USP32: variants seen among roughly 807,000 people sequenced by gnomAD.
USP32 encodes the protein ubiquitin specific peptidase 32, also known as ubiquitin carboxyl-terminal hydrolase 32.
USP32 carries 59 observed loss-of-function variants against 204.8 expected under a neutral mutation model. The ratio of observed to expected loss-of-function variants is 0.29; its 90% CI spans 0.23 to 0.36. USP32 has a LOEUF of 0.36. Ranked by LOEUF, USP32 falls within the 10% of genes least tolerant of loss-of-function variation. The pLI, the probability that USP32 is intolerant of heterozygous loss-of-function variation, is 1.00. For missense variants in USP32, 1,160 were observed against 1,946.4 expected (o/e 0.60, Z 7.60); for synonymous variants, 517 against 678.4 (o/e 0.76, Z 3.70).
At chr17:60,316,145 T>C (rs2087971432) in intron 2 of USP32, 1 of 271,048 alleles carries the variant, frequency 3.7e-6, no homozygotes, top group South Asian at 3.6e-5. Context: ...CACTCTGCTA[T>C]CCATGCCAAA....
intron 1 of USP32, among the ~76,000 whole-genome samples, chr17:60,380,669 AT>A (rs1256372797): frequency 2.0e-5 from 3 of 152,224 alleles, no homozygotes; most frequent in Non-Finnish European, 4.4e-5. Context: ...AGGAATACAC[AT>A]GTCAAATTAT....
chr17:60,192,707 G>A, intron 28 of USP32, 137 bp downstream of exon 28: 1 of 1,098,738 alleles, frequency 9.1e-7, no homozygotes, highest in South Asian at 1.5e-5. Context: ...ATACAGGCGT[G>A]AGCCACCGTG....
intron 1 of USP32, among the ~76,000 whole-genome samples, chr17:60,371,119 T>A (rs867987747): frequency 6.6e-6 from 1 of 151,126 alleles, no homozygotes; most frequent in Non-Finnish European, 1.5e-5. Context: ...CTGGGTATGG[T>A]GGTGTGAACT....
chr17:60,308,704 G>A (rs772388467), intron 2 of USP32, among the ~76,000 whole-genome samples: 1 of 152,180 alleles, frequency 6.6e-6, no homozygotes, highest in Non-Finnish European at 1.5e-5. Flanking sequence ...GAGGCAAGTG[G>A]ATCACTTGAG....
At chr17:60,214,498 T>C in intron 17 of USP32, 122 bp downstream of exon 17, 2 of 805,728 alleles carry the variant, frequency 2.5e-6, no homozygotes, top group South Asian at 3.8e-5. Flanking sequence ...AGCCTTGTGC[T>C]CTTTGGCAAC....
chr17:60,387,767 C>T (rs1161852886), intron 1 of USP32, among the ~76,000 whole-genome samples: 2 of 152,114 alleles, frequency 1.3e-5, no homozygotes, highest in African/African-American at 4.8e-5. Flanking sequence ...CATAACTTAG[C>T]CTACCTTAAA....
intron 12 of USP32, among the ~76,000 whole-genome samples, chr17:60,232,853 A>G (rs1455811142): frequency 2.6e-5 from 4 of 152,116 alleles, no homozygotes; most frequent in African/African-American, 9.7e-5. Flanking sequence ...GGCATGAAAG[A>G]AGAAATTTAA....
chr17:60,184,825 A>AC (rs1479027770), intron 30 of USP32, among the ~76,000 whole-genome samples: 49 of 151,994 alleles, frequency 3.2e-4, no homozygotes, highest in African/African-American at 1.1e-3. Context: ...AAAAAAAAAA[A>AC]AAAACATATA....
chr17:60,333,148 T>C (rs906652111), intron 2 of USP32, among the ~76,000 whole-genome samples: 1 of 152,268 alleles, frequency 6.6e-6, no homozygotes, highest in African/African-American at 2.4e-5. Context: ...CCCCGCAAGG[T>C]TGAAAATCTG....
chr17:60,377,093 C>T (rs1389055811), intron 1 of USP32, among the ~76,000 whole-genome samples: 1 of 152,104 alleles, frequency 6.6e-6, no homozygotes, highest in African/African-American at 2.4e-5. Context: ...CTTAAACTCA[C>T]CTACTACTCT....
intron 26 of USP32, among the ~76,000 whole-genome samples, chr17:60,202,178 C>T (rs926880610): frequency 5.3e-5 from 8 of 152,084 alleles, no homozygotes; most frequent in African/African-American, 1.9e-4. Context: ...TTTCTCTCAC[C>T]ACTCTGCAAT....
chr17:60,301,048 T>C (rs2087561054), intron 3 of USP32, among the ~76,000 whole-genome samples: 1 of 152,358 alleles, frequency 6.6e-6, no homozygotes, highest in Admixed American at 6.5e-5. Flanking sequence ...ACCAGAATAA[T>C]TTCCAGCATG....
chr17:60,349,209 T>C (rs2088861186), intron 1 of USP32, among the ~76,000 whole-genome samples: 1 of 151,008 alleles, frequency 6.6e-6, no homozygotes, highest in Non-Finnish European at 1.5e-5. Flanking sequence ...AGACTACCTG[T>C]ATAACAGTAT....
At chr17:60,341,746 C>T (rs1346176541) in intron 2 of USP32, among the ~76,000 whole-genome samples, 2 of 152,142 alleles carry the variant, frequency 1.3e-5, no homozygotes, top group Non-Finnish European at 2.9e-5. Context: ...TGGTTTTCAG[C>T]TCCATCAGGT....
chr17:60,298,376 A>T (rs1235233785), intron 3 of USP32, among the ~76,000 whole-genome samples: 1 of 152,182 alleles, frequency 6.6e-6, no homozygotes, highest in African/African-American at 2.4e-5. Context: ...CTTTATAAGA[A>T]ATAAAGTTTC....
In USP32 at chr17:60,219,598, C is replaced by T. The variant is rs561221992; in HGVS notation, c.1867+72G>A. 5.0e-5 allele frequency: 26 copies of T among 521,942 alleles called. 1 individual carries two copies. In the South Asian group the frequency reaches 5.7e-4, roughly 12 times the overall value. The allele number at this position is 521,942 out of a possible 1,614,324, so 32.3% of individuals were successfully genotyped here. A position where few individuals can be genotyped will look rare whatever the true frequency, so the allele number is the denominator to read the frequency against. ...TTTTTTTTTTTTTTTTAAGGAAATG[C>T]ATGGTATTCTTGCTGCATTCTTAAG... On this transcript the variant is annotated intron_variant, in intron 16 of 33. Coordinates refer to ENST00000300896, the MANE Select transcript of USP32 (RefSeq NM_032582.4).
chr17:60,231,595 C>T (rs763763930), intron 12 of USP32: 4 of 518,300 alleles, frequency 7.7e-6, no homozygotes, highest in Middle Eastern at 6.4e-4. Context: ...TCTTGGCCTC[C>T]AGCCTTGGCT....
chr17:60,246,307 C>T (rs771020614), intron 11 of USP32, among the ~76,000 whole-genome samples: 6 of 152,086 alleles, frequency 3.9e-5, no homozygotes, highest in South Asian at 2.1e-4. Context: ...TCTCACTTAA[C>T]GTAATGACCT....
Position 60,229,115 on chromosome 17 carries a change from G to A in USP32, c.1240-2884C>T, listed in dbSNP as rs147110730. ...TTTTAATACAGGGTCTTGCTCAGTC[G>A]CCTATAGCTCACTATACCCTTGAAC... is the stretch of plus-strand genomic sequence containing the variant. On this transcript the variant is annotated intron_variant, in intron 12 of 33. Coordinates refer to ENST00000300896, the MANE Select transcript of USP32 (RefSeq NM_032582.4). Among the ~76,000 whole-genome samples the A allele has an allele frequency of 5.8e-3, 874 of 151,214 alleles. 1 individual carries two copies. Among genetic ancestry groups the A allele is most frequent in the Non-Finnish European group, 0.01 (711 of 67,918 alleles).
Sources: gnomAD v4.1 joint callset for allele counts (sites outside exome capture counted in the v4.1 genomes callset) on GRCh38, gnomAD v4.1.1 for gene constraint, MANE v1.5 for transcripts, NCBI Gene and HGNC (gene_info 2026-07-23, HGNC 2026-07-21) for gene names.